SRGAP2: variants seen among roughly 807,000 people sequenced by gnomAD.
SRGAP2 encodes the protein SLIT-ROBO Rho GTPase activating protein 2.
In SRGAP2, 15 loss-of-function variants were observed where a neutral mutation model predicts 57.2. The observed-to-expected ratio is 0.26, with a 90% CI of 0.18 to 0.40. The LOEUF (loss-of-function observed/expected upper bound fraction) is 0.40. Ranked by LOEUF, SRGAP2 falls within the 10% of genes least tolerant of loss-of-function variation. The pLI is 1.00. For missense variants in SRGAP2, 520 were observed against 669.6 expected (o/e 0.78, Z 2.47); for synonymous variants, 249 against 248.0 (o/e 1.00, Z -0.04).
intron 4 of SRGAP2, among the ~76,000 whole-genome samples, chr1:206,347,278 A>C (rs1298005897): frequency 1.3e-5 from 2 of 152,082 alleles, no homozygotes; most frequent in African/African-American, 4.8e-5. Context: ...CAACAAAAAA[A>C]CAAAAAACAA....
intron 21 of SRGAP2, chr1:206,458,297 G>A: frequency 1.9e-6 from 1 of 526,542 alleles, no homozygotes; most frequent in Non-Finnish European, 3.8e-6. Context: ...TTCATGGCAG[G>A]TCACAGAAGG....
chr1:206,298,430 C>T (rs1171004670), intron 2 of SRGAP2, among the ~76,000 whole-genome samples: 2 of 152,202 alleles, frequency 1.3e-5, no homozygotes, highest in African/African-American at 4.8e-5. Context: ...TTATTTTCCC[C>T]TTCACTGGCA....
At chr1:206,335,372 A>G (rs1237315122) in intron 3 of SRGAP2, among the ~76,000 whole-genome samples, 4 of 152,312 alleles carry the variant, frequency 2.6e-5, no homozygotes, top group East Asian at 3.9e-4. Flanking sequence ...TACAGAAGCT[A>G]TAGAGGGAGC....
intron 7 of SRGAP2, among the ~76,000 whole-genome samples, chr1:206,396,038 G>A (rs1159118337): frequency 1.1e-4 from 16 of 144,538 alleles, no homozygotes; most frequent in African/African-American, 2.9e-4. Context: ...GCTGGAGTAC[G>A]GTGGTGCGAT....
chr1:206,267,924 G>A (rs777570640), intron 2 of SRGAP2, among the ~76,000 whole-genome samples: 3 of 151,190 alleles, frequency 2.0e-5, no homozygotes, highest in Non-Finnish European at 4.4e-5. Context: ...GAAAAAAATG[G>A]ATTTATATCT....
Position 206,309,902 on chromosome 1 carries a change from A to G in SRGAP2, c.260+6429A>G, listed in dbSNP as rs1347864954. On this transcript the variant is annotated intron_variant, in intron 3 of 22. Transcript: ENST00000573034. ...CAGGCTTAGACAATAAAAGTTTTGC[A>G]TTGGTAGTAAAAGTTACTATGAGGA... is the stretch of plus-strand genomic sequence containing the variant. 2.5e-4 allele frequency among the ~76,000 whole-genome samples: 38 copies of G among 151,344 alleles called. 1 individual carries two copies. Among genetic ancestry groups the G allele is most frequent in the South Asian group, 8.3e-4 (4 of 4,822 alleles).
At chr1:206,375,142 C>T (rs1189255916) in intron 4 of SRGAP2, among the ~76,000 whole-genome samples, 3 of 147,500 alleles carry the variant, frequency 2.0e-5, no homozygotes, top group Non-Finnish European at 4.5e-5. Flanking sequence ...TTTTCAAGTA[C>T]CTTATCATTC....
At chr1:206,456,816 C>T (rs969278700) in intron 21 of SRGAP2, among the ~76,000 whole-genome samples, 17 of 152,144 alleles carry the variant, frequency 1.1e-4, no homozygotes, top group Non-Finnish European at 1.2e-4. Flanking sequence ...CGCCACTCCT[C>T]CTCCCAAATT....
intron 2 of SRGAP2, among the ~76,000 whole-genome samples, chr1:206,259,951 G>A (rs1249108434): frequency 1.8e-5 from 1 of 55,178 alleles, no homozygotes; most frequent in African/African-American, 7.5e-5. Context: ...CTTAAAACTG[G>A]ATGCAAATCT....
In SRGAP2 at chr1:206,372,979, TTCTTTC is replaced by T. The variant is rs1444191700; in HGVS notation, c.424-11033_424-11028del. Among the ~76,000 whole-genome samples the T allele has an allele frequency of 3.4e-3, 272 of 79,742 alleles. 13 individuals carry two copies. Among genetic ancestry groups the T allele is most frequent in the Non-Finnish European group, 5.0e-3 (208 of 41,378 alleles). The allele number at this position is 79,742 out of a possible 152,430, so 52.3% of individuals were successfully genotyped here. On this transcript the variant is annotated intron_variant, in intron 4 of 22. Coordinates refer to ENST00000573034, the MANE Select transcript of SRGAP2 (RefSeq NM_015326.5). ...TCTTTTCTTTCCTTTCTTTCTTTCT[TTCTTTC>T]TTTCTTTCTTTCTTTCTTTCTTTCT...
chr1:206,260,856 A>C (rs1669509841), intron 2 of SRGAP2, among the ~76,000 whole-genome samples: 1 of 152,262 alleles, frequency 6.6e-6, no homozygotes, highest in Non-Finnish European at 1.5e-5. Flanking sequence ...TGAGATTATT[A>C]TTCTTCATTC....
chr1:206,439,829 A>G, intron 16 of SRGAP2, 147 bp from the exon 17 acceptor site: 2 of 621,366 alleles, frequency 3.2e-6, no homozygotes, highest in South Asian at 1.9e-5. Context: ...AGCAACAGGG[A>G]TGACACTCCT....
intron 3 of SRGAP2, among the ~76,000 whole-genome samples, chr1:206,322,686 G>A (rs1352790695): frequency 6.9e-6 from 1 of 145,950 alleles, no homozygotes; most frequent in African/African-American, 2.7e-5. Context: ...AGCCTTGAGG[G>A]CCAAGACACA....
intron 18 of SRGAP2, among the ~76,000 whole-genome samples, chr1:206,447,683 G>A (rs553895251): frequency 1.3e-5 from 2 of 152,314 alleles, no homozygotes; most frequent in Admixed American, 6.5e-5. Context: ...CCTTGCATGC[G>A]TGGTGAAAAG....
chr1:206,446,039 A>T (rs1321143843), intron 17 of SRGAP2, 36 bp from the exon 18 acceptor site: 2 of 776,074 alleles, frequency 2.6e-6, no homozygotes, highest in Non-Finnish European at 4.8e-6. Flanking sequence ...TTCATGCGAG[A>T]GCTTTCCAGC....
In SRGAP2 at chr1:206,462,674, T is replaced by G. The variant is rs1553381364; in HGVS notation, c.*1254T>G. ...TTTCATTTATGCAAACAAGGACAAT[T>G]AAGGGAACCCTGACCCCACAGGCTC... On this transcript the variant is annotated 3_prime_UTR_variant, in exon 23 of 23. Coordinates refer to ENST00000573034, the MANE Select transcript of SRGAP2 (RefSeq NM_015326.5). 2.0e-5 allele frequency: 3 copies of G among 152,164 alleles called. No individual in the cohort carries two copies. Among genetic ancestry groups the G allele is most frequent in the Non-Finnish European group, 4.4e-5 (3 of 68,000 alleles). 9.4% of individuals were successfully genotyped at this position (152,164 alleles called of 1,614,324 possible). A position where few individuals can be genotyped will look rare whatever the true frequency, so the allele number is the denominator to read the frequency against.
At chr1:206,413,685 A>G (rs935343443) in intron 10 of SRGAP2, among the ~76,000 whole-genome samples, 8 of 152,340 alleles carry the variant, frequency 5.3e-5, no homozygotes, top group African/African-American at 1.9e-4. Flanking sequence ...TTTATTGAGT[A>G]TCTGCTATCT....
chr1:206,445,393 C>G (rs1166603166), intron 17 of SRGAP2, among the ~76,000 whole-genome samples: 2 of 152,132 alleles, frequency 1.3e-5, no homozygotes, highest in African/African-American at 4.8e-5. Flanking sequence ...CCAGAGGAAG[C>G]CCGAGCAGAA....
intron 3 of SRGAP2, among the ~76,000 whole-genome samples, chr1:206,304,517 A>C (rs1672076390): frequency 6.6e-6 from 1 of 151,852 alleles, no homozygotes; most frequent in African/African-American, 2.4e-5. Flanking sequence ...AAATTGCAAA[A>C]AAACCTCATA....
Sources: allele counts gnomAD v4.1 joint callset (sites outside exome capture counted in the v4.1 genomes callset), GRCh38; gene constraint gnomAD v4.1.1; transcripts MANE v1.5; gene names NCBI Gene and HGNC (gene_info 2026-07-23, HGNC 2026-07-21).